CREG2: variants seen among roughly 807,000 people sequenced by gnomAD.
The protein encoded by CREG2 is protein CREG2.
CREG2 carries 24 observed loss-of-function variants against 26.2 expected under a neutral mutation model. The observed-to-expected ratio is 0.92, with a 90% CI of 0.66 to 1.29. The LOEUF (loss-of-function observed/expected upper bound fraction) is 1.29, where lower values mean the gene tolerates loss of function less well. Among genes scored for constraint, CREG2 ranks in the 50% most tolerant of loss-of-function variants. CREG2 has a pLI of 0.00. For synonymous variants in CREG2, 174 were observed against 169.2 expected (o/e 1.03, Z -0.22); for missense variants, 366 against 398.6 (o/e 0.92, Z 0.70).
At chr2:101,367,846 C>T (rs1460305560) in intron 2 of CREG2, among the ~76,000 whole-genome samples, 1 of 152,222 alleles carries the variant, frequency 6.6e-6, no homozygotes, top group African/African-American at 2.4e-5. Context: ...CAAGGGGCCA[C>T]AGGCCAAGGA....
intron 2 of CREG2, among the ~76,000 whole-genome samples, chr2:101,369,935 T>C (rs948168445): frequency 6.6e-6 from 1 of 152,192 alleles, no homozygotes; most frequent in Non-Finnish European, 1.5e-5. Flanking sequence ...ACTTCTGTGT[T>C]TTTGTTGGTT....
chr2:101,364,127 G>A (rs1229571022), intron 2 of CREG2, among the ~76,000 whole-genome samples: 2 of 152,100 alleles, frequency 1.3e-5, no homozygotes, highest in African/African-American at 4.8e-5. Context: ...TCTTACACAA[G>A]GAACTGTCCT....
In CREG2 at chr2:101,347,839, T is replaced by A. The variant is rs1042602465; in HGVS notation, c.*3084A>T. 1 of 152,210 alleles carries A rather than the reference T, an allele frequency of 6.6e-6. No homozygotes were observed. 9.4% of individuals were successfully genotyped at this position (152,210 alleles called of 1,614,324 possible). A position where few individuals can be genotyped will look rare whatever the true frequency, so the allele number is the denominator to read the frequency against. On this transcript the variant is annotated 3_prime_UTR_variant, in exon 4 of 4. Transcript: ENST00000324768. ...TTAAATTCTGATGAAGTTTAATTTA[T>A]CAAATTTTCTTTTATGAATTGTGCT...
At chr2:101,356,258 C>T (rs1302901106) in intron 2 of CREG2, among the ~76,000 whole-genome samples, 2 of 152,126 alleles carry the variant, frequency 1.3e-5, no homozygotes, top group Non-Finnish European at 2.9e-5. Context: ...TATATGGGCC[C>T]AGGATGTGGG....
chr2:101,379,969 TTCTATCTATCTATCTATCTA>T (rs34370954), intron 2 of CREG2, among the ~76,000 whole-genome samples: 1,955 of 147,858 alleles, frequency 0.013, 49 homozygotes, highest in African/African-American at 0.046. Context: ...GTGTGAAAGC[TTCTATCTATCTATCTATCTA>T]TCTATCTATC....
At chr2:101,367,566 TC>T (rs1262139198) in intron 2 of CREG2, among the ~76,000 whole-genome samples, 2 of 152,190 alleles carry the variant, frequency 1.3e-5, no homozygotes, top group South Asian at 2.1e-4. Flanking sequence ...GTTACTTCCA[TC>T]CTGAGGTAGG....
At position 101,383,226 on chromosome 2, in the gene CREG2, G is replaced by A. The variant is rs544041830; in HGVS notation, c.611+307C>T. On this transcript the variant is annotated intron_variant, in intron 2 of 3. Transcript: ENST00000324768. ...TTTTCCATAACAACAGGAGCTGTCT[G>A]GACTCCTGCCAGTGTTGCACAAAGC... 1.0e-5 allele frequency: 4 copies of A among 391,504 alleles called. No individual in the cohort carries two copies. The East Asian group carries it at 2.6e-4, about 26-fold the overall frequency. The allele number at this position is 391,504 out of a possible 1,614,324, so 24.3% of individuals were successfully genotyped here.
intron 2 of CREG2, among the ~76,000 whole-genome samples, chr2:101,374,793 A>G (rs1428077882): frequency 6.6e-6 from 1 of 152,236 alleles, no homozygotes; most frequent in African/African-American, 2.4e-5. Context: ...TTCATCTATC[A>G]TTCCACATTT....
chr2:101,352,904 T>A (rs775079024), intron 3 of CREG2, among the ~76,000 whole-genome samples: 49 of 151,820 alleles, frequency 3.2e-4, no homozygotes, highest in Non-Finnish European at 5.3e-4. Context: ...GAAATATGAT[T>A]ACGCCACTGC....
In CREG2 at chr2:101,350,607, T is replaced by C. The variant is rs537001154; in HGVS notation, c.*316A>G. ...GGCATTTTTTTTTTTCCTTAAACAA[T>C]GAAACAACAATGATCTCAACATGTC... On this transcript the variant is annotated 3_prime_UTR_variant, in exon 4 of 4. Coordinates refer to ENST00000324768, the MANE Select transcript of CREG2 (RefSeq NM_153836.4). 7 of 219,152 alleles carry C rather than the reference T, an allele frequency of 3.2e-5. No individual in the cohort carries two copies. Among genetic ancestry groups the C allele is most frequent in the Non-Finnish European group, 5.3e-5 (6 of 112,520 alleles). The allele number at this position is 219,152 out of a possible 1,614,324, so 13.6% of individuals were successfully genotyped here.
chr2:101,379,222 A>T (rs1684835017), intron 2 of CREG2, among the ~76,000 whole-genome samples: 1 of 152,200 alleles, frequency 6.6e-6, no homozygotes, highest in East Asian at 1.9e-4. Flanking sequence ...CATTTTAGGG[A>T]AAGTTCAGGG....
At chr2:101,384,115 T>C (rs184820709) in intron 1 of CREG2, among the ~76,000 whole-genome samples, 1 of 152,340 alleles carries the variant, frequency 6.6e-6, no homozygotes, top group African/African-American at 2.4e-5. Context: ...GTTAACTGCC[T>C]GTCCCAAGTT....
rs1221321826 is a variant in CREG2 at position 101,347,541 on chromosome 2, G to A, written c.*3382C>T. ...AGCTATGTAGTGATATCTCATTGTA[G>A]TATTAGTTTGCAGTTCCCCTAGTGA... is the stretch of plus-strand genomic sequence containing the variant. On this transcript the variant is annotated 3_prime_UTR_variant, in exon 4 of 4. Coordinates refer to ENST00000324768, the MANE Select transcript of CREG2 (RefSeq NM_153836.4). 6.6e-6 allele frequency: 1 copy of A among 152,102 alleles called. No homozygotes were observed. The highest frequency in any genetic ancestry group is 6.6e-5 in the Admixed American group (1 of 15,266). The allele number at this position is 152,102 out of a possible 1,614,324, so 9.4% of individuals were successfully genotyped here.
At chr2:101,380,311 G>A (rs1309648384) in intron 2 of CREG2, among the ~76,000 whole-genome samples, 2 of 152,196 alleles carry the variant, frequency 1.3e-5, no homozygotes, top group Non-Finnish European at 2.9e-5. Flanking sequence ...CTGTATCCTT[G>A]GTGGAGATGG....
intron 2 of CREG2, chr2:101,375,457 C>T (rs1163964844): frequency 6.6e-6 from 1 of 152,270 alleles, no homozygotes; most frequent in Non-Finnish European, 1.5e-5. Context: ...GGCCATCTTT[C>T]ATTAAGAGCC....
intron 1 of CREG2, among the ~76,000 whole-genome samples, chr2:101,385,550 A>G (rs1358348951): frequency 6.6e-6 from 1 of 152,166 alleles, no homozygotes; most frequent in Non-Finnish European, 1.5e-5. Flanking sequence ...CCATGATTTT[A>G]TCCCTAACAA....
intron 1 of CREG2, among the ~76,000 whole-genome samples, 175 bp downstream of exon 1, chr2:101,386,842 C>T (rs1359558487): frequency 6.6e-6 from 1 of 152,180 alleles, no homozygotes; most frequent in Admixed American, 6.5e-5. Flanking sequence ...TCGCCAGGCT[C>T]ACGGAGGCAC....
intron 2 of CREG2, among the ~76,000 whole-genome samples, chr2:101,362,200 A>G (rs1684551738): frequency 6.6e-6 from 1 of 152,110 alleles, no homozygotes; most frequent in South Asian, 2.1e-4. Context: ...AGAGATGCTC[A>G]CTTTTGTTGG....
rs1237244999 is a variant in CREG2 at position 101,383,798 on chromosome 2, AG to A, written c.442-97del. ...GCCTCTGGCTAGGAAATACAACACC[AG>A]GGATGAGGGGGGATCATGGCATCAC... On this transcript the variant is annotated intron_variant, in intron 1 of 3. Coordinates refer to ENST00000324768, the MANE Select transcript of CREG2 (RefSeq NM_153836.4). The A allele has an allele frequency of 3.5e-6, 4 of 1,146,792 alleles. No homozygotes were observed. The African/African-American group carries it at 6.2e-5, about 18-fold the overall frequency. 71.0% of individuals were successfully genotyped at this position (1,146,792 alleles called of 1,614,324 possible). A position where few individuals can be genotyped will look rare whatever the true frequency, so the allele number is the denominator to read the frequency against.
Sources: gnomAD v4.1 joint callset for allele counts (sites outside exome capture counted in the v4.1 genomes callset) on GRCh38, gnomAD v4.1.1 for gene constraint, MANE v1.5 for transcripts, NCBI Gene and HGNC (gene_info 2026-07-23, HGNC 2026-07-21) for gene names.